PPP6R2: variants seen among roughly 807,000 people sequenced by gnomAD.
The protein encoded by PPP6R2 is protein phosphatase 6 regulatory subunit 2, also known as serine/threonine-protein phosphatase 6 regulatory subunit 2.
In PPP6R2, 62 loss-of-function variants were observed where a neutral mutation model predicts 100.2. That is an observed-to-expected ratio of 0.62 (90% CI 0.50 to 0.76). The LOEUF is 0.76. PPP6R2 is among the 30% of genes least tolerant of loss of function. The pLI, the probability that PPP6R2 is intolerant of heterozygous loss-of-function variation, is 0.00. For missense variants in PPP6R2, 1,142 were observed against 1,276.3 expected (o/e 0.89, Z 1.60); for synonymous variants, 525 against 514.7 (o/e 1.02, Z -0.27).
In PPP6R2 at chr22:50,423,647, T is replaced by A; in HGVS notation, c.1125+33T>A. On this transcript the variant is annotated intron_variant, in intron 10 of 23. Coordinates refer to ENST00000612753, the MANE Select transcript of PPP6R2 (RefSeq NM_001242898.2). The surrounding 1 kb of genome is among the most constrained non-coding windows in gnomAD (Gnocchi z 4.8). Reference sequence around the variant, plus strand: ...GGCCCCTCAGCCAGCCCTGCATGTCTGTGAGTGTGCCGGGCATGGCCTGTG... The same window carrying A: ...GGCCCCTCAGCCAGCCCTGCATGTCAGTGAGTGTGCCGGGCATGGCCTGTG... 6.2e-7 allele frequency: 1 copy of A among 1,612,458 alleles called. No homozygotes were observed. Among genetic ancestry groups the A allele is most frequent in the Non-Finnish European group, 8.5e-7 (1 of 1,179,114 alleles).
upstream of PPP6R2, among the ~76,000 whole-genome samples, chr22:50,338,566 TGTGTTTG>T (rs1470975439): frequency 5.5e-5 from 6 of 108,226 alleles, no homozygotes; most frequent in African/African-American, 3.1e-4. Flanking sequence ...ATGTAGTGTG[TGTGTTTG>T]GTGTGGTGTG....
intron 3 of PPP6R2, among the ~76,000 whole-genome samples, chr22:50,405,784 TG>T (rs2058802913): frequency 8.2e-6 from 1 of 122,124 alleles, no homozygotes; most frequent in Non-Finnish European, 1.7e-5. Flanking sequence ...GTGAGAGGCC[TG>T]GAGAGAGGTG....
At chr22:50,409,995 T>A (rs1359455673) in intron 4 of PPP6R2, among the ~76,000 whole-genome samples, 2 of 152,210 alleles carry the variant, frequency 1.3e-5, no homozygotes, top group Non-Finnish European at 2.9e-5. Context: ...CCCAAAGTGC[T>A]GGGATTACAG....
Position 50,444,332 on chromosome 22 carries a change from TTTTAA to T in PPP6R2, c.*99_*103del, listed in dbSNP as rs762849620. On this transcript the variant is annotated 3_prime_UTR_variant, in exon 24 of 24. Coordinates refer to ENST00000612753, the MANE Select transcript of PPP6R2 (RefSeq NM_001242898.2). ...TACCTGGTGATGCAATCTTTTTTTT[TTTTAA>T]TTTAATTTAATTTTAAAATAAATGC... is the stretch of plus-strand genomic sequence containing the variant. 9.8e-6 allele frequency: 14 copies of T among 1,423,126 alleles called. No homozygotes were observed. The highest frequency in any genetic ancestry group is 7.5e-5 in the East Asian group (3 of 39,916). The allele number at this position is 1,423,126 out of a possible 1,614,324, so 88.2% of individuals were successfully genotyped here. A position where few individuals can be genotyped will look rare whatever the true frequency, so the allele number is the denominator to read the frequency against.
chr22:50,366,738 C>A (rs893602650), intron 1 of PPP6R2, among the ~76,000 whole-genome samples: 5 of 151,870 alleles, frequency 3.3e-5, no homozygotes. Flanking sequence ...GAGCTCTGCC[C>A]TCTGGTGTTC....
Position 50,406,669 on chromosome 22 carries a change from C to T in PPP6R2, c.228-20C>T, listed in dbSNP as rs761892345. The T allele has an allele frequency of 6.2e-7, 1 of 1,607,086 alleles. No individual in the cohort carries two copies. Among genetic ancestry groups the T allele is most frequent in the South Asian group, 1.1e-5 (1 of 90,986 alleles). The stretch of plus-strand genomic sequence containing the variant: ...GAGAAGTCTAATTTCACCTCCAGTG[C>T]TTGGACTGTGCCCTTTTAGATATCC... On this transcript the variant is annotated intron_variant, in intron 3 of 23. Transcript: ENST00000612753.
intron 1 of PPP6R2, among the ~76,000 whole-genome samples, chr22:50,347,028 C>T (rs1260574256): frequency 6.6e-6 from 1 of 151,978 alleles, no homozygotes; most frequent in Non-Finnish European, 1.5e-5. Context: ...CCCATCAGTG[C>T]CAGTGCCTCT....
chr22:50,366,928 T>G (rs1015703990), intron 1 of PPP6R2, among the ~76,000 whole-genome samples: 1 of 152,104 alleles, frequency 6.6e-6, no homozygotes, highest in Non-Finnish European at 1.5e-5. Flanking sequence ...TCAGGGACCC[T>G]TCACTGCCTG....
chr22:50,405,174 G>A (rs1264883527), intron 3 of PPP6R2, among the ~76,000 whole-genome samples: 1 of 152,242 alleles, frequency 6.6e-6, no homozygotes, highest in East Asian at 1.9e-4. Context: ...GAAAGGAGAG[G>A]CTCAGTGGAG....
At chr22:50,383,803 G>A (rs1370888563) in intron 2 of PPP6R2, among the ~76,000 whole-genome samples, 5 of 152,138 alleles carry the variant, frequency 3.3e-5, no homozygotes, top group Non-Finnish European at 1.5e-5. Flanking sequence ...TTGGGAGGCT[G>A]AGGTGGGCGG....
chr22:50,428,004 G>A (rs540552461), intron 10 of PPP6R2, among the ~76,000 whole-genome samples: 2 of 151,200 alleles, frequency 1.3e-5, no homozygotes. Context: ...ATAGGCGTGA[G>A]CCACCACGCC....
intron 3 of PPP6R2, among the ~76,000 whole-genome samples, chr22:50,399,536 C>T (rs2057690581): frequency 6.6e-6 from 1 of 152,262 alleles, no homozygotes; most frequent in South Asian, 2.1e-4. Flanking sequence ...CCTGGCAGAA[C>T]ACCTCCATGA....
chr22:50,435,088 C>G lies in PPP6R2; in HGVS notation c.1516+7C>G. 2.0e-6 allele frequency: 3 copies of G among 1,524,744 alleles called. No individual in the cohort carries two copies. The highest frequency in any genetic ancestry group is 2.5e-5 in the South Asian group (2 of 79,820). 94.5% of individuals were successfully genotyped at this position (1,524,744 alleles called of 1,614,324 possible). ...ATCAGCGAGGTCATCCGAGGTGAGC[C>G]CCCAACCCGGTCATCCTTCTGCTGG... On this transcript the variant is annotated splice_region_variant and intron_variant, in intron 13 of 23. Coordinates refer to ENST00000612753, the MANE Select transcript of PPP6R2 (RefSeq NM_001242898.2).
chr22:50,359,124 C>G (rs1389529580), intron 1 of PPP6R2, among the ~76,000 whole-genome samples: 1 of 151,512 alleles, frequency 6.6e-6, no homozygotes, highest in Non-Finnish European at 1.5e-5. Flanking sequence ...CTCAGCCTCC[C>G]GAGTAGCTGG....
chr22:50,425,686 G>A (rs1313194946), intron 10 of PPP6R2, among the ~76,000 whole-genome samples: 2 of 151,816 alleles, frequency 1.3e-5, no homozygotes, highest in Non-Finnish European at 2.9e-5. Flanking sequence ...TTCTTCTGAT[G>A]CTCGTCATCT....
chr22:50,437,934 C>G (rs768117756), intron 17 of PPP6R2, 34 bp downstream of exon 17: 5 of 1,564,384 alleles, frequency 3.2e-6, no homozygotes, highest in South Asian at 1.2e-5. Context: ...GTGCCGCCAC[C>G]CTTTTCCCAG....
upstream of PPP6R2, among the ~76,000 whole-genome samples, chr22:50,338,833 GGT>G (rs1488923476): frequency 1.5e-4 from 21 of 137,462 alleles, no homozygotes; most frequent in South Asian, 3.0e-3. Context: ...TAGGGTGTGT[GGT>G]GTGTGTGTGG....
Position 50,438,624 on chromosome 22 carries a change from A to T in PPP6R2, c.1990A>T (p.Ser664Cys), listed in dbSNP as rs575832683. Reference sequence around the variant, plus strand: ...GTTTGGAGCCCCCCATGCTTCAGAGAGTTGCTCAAAGAATGGCCCAGAGCG... The same window carrying T: ...GTTTGGAGCCCCCCATGCTTCAGAGTGTTGCTCAAAGAATGGCCCAGAGCG... ...PRFGAPHASE[S>C]CSKNGPERGG... Residue 664 changes from serine to cysteine, a missense_variant, in exon 19 of 24, where the codon AGT becomes TGT. Physicochemically the swap from Ser to Cys is moderately radical, Grantham distance 112 (BLOSUM62 -1). Coordinates refer to ENST00000612753, the MANE Select transcript of PPP6R2 (RefSeq NM_001242898.2). 4 of 1,613,886 alleles carry T rather than the reference A, an allele frequency of 2.5e-6. No homozygotes were observed. The East Asian group carries it at 8.9e-5, about 36-fold the overall frequency.
At chr22:50,383,260 G>A (rs2053509556) in intron 2 of PPP6R2, among the ~76,000 whole-genome samples, 1 of 152,122 alleles carries the variant, frequency 6.6e-6, no homozygotes, top group South Asian at 2.1e-4. Context: ...ATATTGGTAG[G>A]GTGCCCATCA....
Sources: allele counts gnomAD v4.1 joint callset (sites outside exome capture counted in the v4.1 genomes callset), GRCh38; gene constraint gnomAD v4.1.1; non-coding constraint Gnocchi (gnomAD v3.1); transcripts MANE v1.5; gene names NCBI Gene and HGNC (gene_info 2026-07-23, HGNC 2026-07-21).